Variants in FGF5 observed in about 807,000 individuals in gnomAD.
FGF5 encodes heparin-binding growth factor 5.
Under a neutral mutation model 21.8 loss-of-function variants are expected in FGF5, and 23 were observed. The observed-to-expected ratio is 1.05, with a 90% CI of 0.76 to 1.49. The LOEUF is 1.49. FGF5 is among the 40% of genes most tolerant of loss of function. The probability of loss-of-function intolerance (pLI) is 0.00; values close to 1 mark genes in which losing one functional copy is unlikely to be tolerated. For synonymous variants in FGF5, 158 were observed against 124.0 expected, an observed-to-expected ratio of 1.27 and a Z score of -1.82; for missense variants, 352 against 332.9, an observed-to-expected ratio of 1.06 and a Z score of -0.45.
At position 80,267,294 on chromosome 4, in the gene FGF5, C is replaced by G. The variant is rs555816683; in HGVS notation, c.355+115C>G. ...CCTTCCTGAGCCCAGGCCACTGGGA[C>G]CAAGCTGATACTCAGAAACAGCCGG... On this transcript the variant is annotated intron_variant, in intron 1 of 2. Transcript: ENST00000312465. 14 of 815,242 alleles carry G rather than the reference C, an allele frequency of 1.7e-5. 1 individual carries two copies. The East Asian group carries it at 2.4e-4, about 14-fold the overall frequency. 50.5% of individuals were successfully genotyped at this position (815,242 alleles called of 1,614,324 possible).
chr4:80,267,749 A>G (rs1383884121), intron 1 of FGF5, among the ~76,000 whole-genome samples: 1 of 152,158 alleles, frequency 6.6e-6, no homozygotes, highest in Non-Finnish European at 1.5e-5. Flanking sequence ...AGATAGATAG[A>G]TAGATAGATA....
At position 80,290,324 on chromosome 4, in the gene FGF5, T is replaced by C. The variant is rs1720862612; in HGVS notation, c.*3652T>C. 6.6e-6 allele frequency: 1 copy of C among 152,160 alleles called. No homozygotes were observed. Among genetic ancestry groups the C allele is most frequent in the Non-Finnish European group, 1.5e-5 (1 of 68,022 alleles). 9.4% of individuals were successfully genotyped at this position (152,160 alleles called of 1,614,324 possible). On this transcript the variant is annotated 3_prime_UTR_variant, in exon 3 of 3. Transcript: ENST00000312465. The stretch of plus-strand genomic sequence containing the variant: ...GTTTTGAAGGAAACCTCTGGATAAA[T>C]GGACAAGGCCTAATTTTTTTTTGTA...
intron 2 of FGF5, among the ~76,000 whole-genome samples, chr4:80,278,799 C>T (rs1285609000): frequency 6.6e-6 from 1 of 152,176 alleles, no homozygotes; most frequent in Admixed American, 6.5e-5. Flanking sequence ...ATATGCAGTG[C>T]AACCAAATTC....
chr4:80,269,789 T>G (rs1348192027), intron 1 of FGF5, among the ~76,000 whole-genome samples: 4 of 136,054 alleles, frequency 2.9e-5, no homozygotes, highest in African/African-American at 1.1e-4. Flanking sequence ...TTCCATAGAG[T>G]TTTTTTTTTT....
chr4:80,270,324 G>A (rs891339338), intron 1 of FGF5, among the ~76,000 whole-genome samples: 5 of 151,472 alleles, frequency 3.3e-5, no homozygotes, highest in Non-Finnish European at 5.9e-5. Flanking sequence ...TGATAGAACA[G>A]ATAATCATAT....
intron 2 of FGF5, among the ~76,000 whole-genome samples, chr4:80,278,382 C>T (rs552828965): frequency 3.3e-5 from 5 of 152,150 alleles, no homozygotes; most frequent in Admixed American, 1.3e-4. Context: ...GTGTTTCCCC[C>T]ATCTACTCCT....
intron 1 of FGF5, among the ~76,000 whole-genome samples, chr4:80,271,658 AT>A (rs1720275969): frequency 6.6e-6 from 1 of 152,192 alleles, no homozygotes; most frequent in Non-Finnish European, 1.5e-5. Context: ...AGGCAGTCAA[AT>A]TTAGCAAACA....
intron 2 of FGF5, among the ~76,000 whole-genome samples, chr4:80,282,780 C>T (rs913795408): frequency 1.3e-5 from 2 of 151,892 alleles, no homozygotes; most frequent in Non-Finnish European, 2.9e-5. Context: ...CTGTTAATTT[C>T]AGGGGTTTTT....
intron 1 of FGF5, 40 bp downstream of exon 1, chr4:80,267,219 C>T (rs762856257): frequency 1.3e-5 from 20 of 1,511,058 alleles, no homozygotes; most frequent in Non-Finnish European, 1.6e-5. Context: ...TCCTAGGCGG[C>T]CGCGGAAGAT....
intron 2 of FGF5, among the ~76,000 whole-genome samples, chr4:80,275,707 C>T (rs34791815): frequency 0.02 from 3,074 of 152,056 alleles, 102 homozygotes; most frequent in African/African-American, 0.069. Flanking sequence ...AGTATTAAAA[C>T]ATTTTAAAGA....
chr4:80,276,889 A>G (rs1720428094), intron 2 of FGF5, among the ~76,000 whole-genome samples: 1 of 152,126 alleles, frequency 6.6e-6, no homozygotes, highest in Non-Finnish European at 1.5e-5. Flanking sequence ...ATCTAACCTC[A>G]TAATAGTACA....
Position 80,290,170 on chromosome 4 carries a change from A to C in FGF5, c.*3498A>C, listed in dbSNP as rs142199666. ...CTCATTAAAAAAAGTAGTATTGCAG[A>C]CATTGCTGCAATGGGAAGCAGACAA... On this transcript the variant is annotated 3_prime_UTR_variant, in exon 3 of 3. Coordinates refer to ENST00000312465, the MANE Select transcript of FGF5 (RefSeq NM_004464.4). 1.3e-5 allele frequency: 2 copies of C among 152,290 alleles called. No individual in the cohort carries two copies. Among genetic ancestry groups the C allele is most frequent in the African/African-American group, 4.8e-5 (2 of 41,574 alleles). 9.4% of individuals were successfully genotyped at this position (152,290 alleles called of 1,614,324 possible). A position where few individuals can be genotyped will look rare whatever the true frequency, so the allele number is the denominator to read the frequency against.
At position 80,288,564 on chromosome 4, in the gene FGF5, T is replaced by C. The variant is rs979860513; in HGVS notation, c.*1892T>C. 3 of 152,232 alleles carry C rather than the reference T, an allele frequency of 2.0e-5. No homozygotes were observed. The highest frequency in any genetic ancestry group is 7.2e-5 in the African/African-American group (3 of 41,452). The allele number at this position is 152,232 out of a possible 1,614,324, so 9.4% of individuals were successfully genotyped here. A position where few individuals can be genotyped will look rare whatever the true frequency, so the allele number is the denominator to read the frequency against. On this transcript the variant is annotated 3_prime_UTR_variant, in exon 3 of 3. Coordinates refer to ENST00000312465, the MANE Select transcript of FGF5 (RefSeq NM_004464.4). ...ATGTTCAACTCTCATCCAAATGGCA[T>C]ATGACCCTGTTTACACAGCCTAAAG... is the stretch of plus-strand genomic sequence containing the variant.
intron 1 of FGF5, among the ~76,000 whole-genome samples, chr4:80,272,212 A>G: frequency 6.6e-6 from 1 of 152,196 alleles, no homozygotes; most frequent in East Asian, 1.9e-4. Flanking sequence ...TGACATATGT[A>G]AAGTGTATTT....
In FGF5 at chr4:80,266,671, TG is replaced by T; in HGVS notation, c.-152del. ...GTGCCAGCGCGGAGATCCGCTCGGG[TG>T]GCCTCTCTCTTCCCCTCTCCCCTTC... On this transcript the variant is annotated 5_prime_UTR_variant, in exon 1 of 3. Transcript: ENST00000312465. The T allele has an allele frequency of 1.6e-6, 1 of 633,990 alleles. No homozygotes were observed. Among genetic ancestry groups the T allele is most frequent in the Non-Finnish European group, 2.7e-6 (1 of 370,046 alleles). 39.3% of individuals were successfully genotyped at this position (633,990 alleles called of 1,614,324 possible).
At position 80,267,121 on chromosome 4, in the gene FGF5, C is replaced by G; in HGVS notation, c.297C>G (p.Phe99Leu). The G allele has an allele frequency of 1.2e-6, 2 of 1,613,954 alleles. No homozygotes were observed. The highest frequency in any genetic ancestry group is 1.7e-6 in the Non-Finnish European group (2 of 1,179,954). The change falls in exon 1 of 3, where the codon TTC (phenylalanine) becomes TTG (leucine). Residue 99 changes from phenylalanine to leucine, a missense_variant. Coordinates refer to ENST00000312465, the MANE Select transcript of FGF5 (RefSeq NM_004464.4). ...GSLYCRVGIG[F>L]HLQIYPDGKV... ...TCTACTGCAGAGTGGGCATCGGTTT[C>G]CATCTGCAGATCTACCCGGATGGCA...
At chr4:80,286,273 A>G (rs370563120) in intron 2 of FGF5, 52 bp from the exon 3 acceptor site, 8 of 1,266,300 alleles carry the variant, frequency 6.3e-6, no homozygotes, top group Non-Finnish European at 8.8e-6. Context: ...GTTTTATTAC[A>G]TGCTGAAAAG....
intron 2 of FGF5, among the ~76,000 whole-genome samples, chr4:80,276,361 T>C (rs1462881180): frequency 6.6e-6 from 1 of 152,112 alleles, no homozygotes; most frequent in African/African-American, 2.4e-5. Flanking sequence ...TACCATTTCA[T>C]TTTTTGAGCT....
In FGF5 at chr4:80,287,369, T is replaced by C. The variant is rs1578300074; in HGVS notation, c.*697T>C. On this transcript the variant is annotated 3_prime_UTR_variant, in exon 3 of 3. Coordinates refer to ENST00000312465, the MANE Select transcript of FGF5 (RefSeq NM_004464.4). ...GGCTCAGCTTGGATTTGTGTGTATG[T>C]GTATGTCAATTCATGACATTATGTG... 6.6e-6 allele frequency: 1 copy of C among 152,198 alleles called. No individual in the cohort carries two copies. Among genetic ancestry groups the C allele is most frequent in the Non-Finnish European group, 1.5e-5 (1 of 68,034 alleles). The allele number at this position is 152,198 out of a possible 1,614,324, so 9.4% of individuals were successfully genotyped here.
Sources: allele counts gnomAD v4.1 joint callset (sites outside exome capture counted in the v4.1 genomes callset), GRCh38; gene constraint gnomAD v4.1.1; transcripts MANE v1.5; gene names NCBI Gene and HGNC (gene_info 2026-07-23, HGNC 2026-07-21).